Variants in CADPS observed in about 807,000 individuals in gnomAD.
CADPS encodes the protein calcium-dependent secretion activator 1.
In CADPS, 57 loss-of-function variants were observed where a neutral mutation model predicts 167.3. That is an observed-to-expected ratio of 0.34 (90% confidence interval 0.28 to 0.42). CADPS has a LOEUF of 0.42. Among genes scored for constraint, CADPS ranks in the 20% least tolerant of loss-of-function variants. CADPS has a pLI of 1.00. For missense variants in CADPS, 1,414 were observed against 1,738.1 expected, an observed-to-expected ratio of 0.81 and a Z score of 3.32; for synonymous variants, 676 against 635.3, an observed-to-expected ratio of 1.06 and a Z score of -0.96.
At chr3:62,494,814 T>G (rs59980179) in intron 18 of CADPS, among the ~76,000 whole-genome samples, 2,892 of 151,222 alleles carry the variant, frequency 0.019, 110 homozygotes, top group African/African-American at 0.066. Flanking sequence ...GCTAATTTTT[T>G]TTTGTTGTTT....
intron 6 of CADPS, among the ~76,000 whole-genome samples, chr3:62,644,773 C>T (rs1030315547): frequency 6.6e-6 from 1 of 152,238 alleles, no homozygotes. Flanking sequence ...AATATTAGTT[C>T]AAATGCCTCA....
At chr3:62,491,812 C>G (rs938701685) in intron 20 of CADPS, among the ~76,000 whole-genome samples, 2 of 151,154 alleles carry the variant, frequency 1.3e-5, no homozygotes, top group African/African-American at 4.8e-5. Context: ...CCCTTCTTCC[C>G]ATTAAGTTCC....
chr3:62,466,283 G>A (rs779564784), intron 25 of CADPS, 56 bp downstream of exon 25: 5 of 1,183,888 alleles, frequency 4.2e-6, no homozygotes, highest in African/African-American at 1.5e-5. Flanking sequence ...AATGGAAATG[G>A]AGACATAACA....
At chr3:62,415,321 G>T (rs1336860003) in intron 28 of CADPS, among the ~76,000 whole-genome samples, 1 of 152,032 alleles carries the variant, frequency 6.6e-6, no homozygotes, top group Non-Finnish European at 1.5e-5. Flanking sequence ...AAAAACATCT[G>T]CAAACTCCCA....
Position 62,421,271 on chromosome 3 carries a change from A to G in CADPS, c.3777+16833T>C, listed in dbSNP as rs895011215. On this transcript the variant is annotated intron_variant, in intron 28 of 29. Transcript: ENST00000383710. This position sits in a 1 kb window ranked among gnomAD's most constrained non-coding sequence, Gnocchi z 4.7. ...CCCCCCACCCTTTTGAGGTGACAGA[A>G]TAAGAAATTAAACACTTGTGGGTTC... Among the ~76,000 whole-genome samples the G allele has an allele frequency of 8.0e-5, 12 of 149,702 alleles. No individual in the cohort carries two copies. The highest frequency in any genetic ancestry group is 1.8e-4 in the Non-Finnish European group (12 of 67,432).
At chr3:62,683,486 A>C (rs545714821) in intron 3 of CADPS, among the ~76,000 whole-genome samples, 1 of 152,214 alleles carries the variant, frequency 6.6e-6, no homozygotes, top group South Asian at 2.1e-4. Flanking sequence ...TTAGATTTAC[A>C]GAAAAGTAGC....
intron 3 of CADPS, among the ~76,000 whole-genome samples, chr3:62,718,032 A>AT (rs76986157): frequency 0.38 from 56,878 of 150,422 alleles, 12,295 homozygotes; most frequent in East Asian, 0.73. Context: ...TCTTAGAGTA[A>AT]TTTTTTTTTT....
intron 7 of CADPS, among the ~76,000 whole-genome samples, chr3:62,587,777 C>T (rs1203402298): frequency 6.6e-6 from 1 of 152,194 alleles, no homozygotes; most frequent in Non-Finnish European, 1.5e-5. Context: ...CCCTGTGCAA[C>T]TGCTTGCTGG....
At chr3:62,733,452 C>T (rs532574935) in intron 3 of CADPS, among the ~76,000 whole-genome samples, 103 of 152,292 alleles carry the variant, frequency 6.8e-4, no homozygotes, top group African/African-American at 2.2e-3. Flanking sequence ...GAGAAATAAT[C>T]TCCATTTTAA....
Position 62,452,127 on chromosome 3 carries a change from C to T in CADPS, c.3637-6330G>A, listed in dbSNP as rs902660307. On this transcript the variant is annotated intron_variant, in intron 26 of 29. Transcript: ENST00000383710. The stretch of plus-strand genomic sequence containing the variant: ...GTTAGAGGTTTCTAGCACTTTCTTA[C>T]AGTAGGTGTTTGAGCTGTAGCACTC... Among the ~76,000 whole-genome samples, 5 of 152,166 alleles carry T rather than the reference C, an allele frequency of 3.3e-5. No individual in the cohort carries two copies. In the South Asian group the frequency reaches 8.3e-4, roughly 25 times the overall value.
At chr3:62,705,094 G>A (rs1348439563) in intron 3 of CADPS, among the ~76,000 whole-genome samples, 2 of 152,116 alleles carry the variant, frequency 1.3e-5, no homozygotes, top group Non-Finnish European at 2.9e-5. Flanking sequence ...GTAAGACAGA[G>A]GAGGGGCTCT....
chr3:62,677,064 A>G (rs1580235175), intron 3 of CADPS, among the ~76,000 whole-genome samples: 1 of 152,256 alleles, frequency 6.6e-6, no homozygotes, highest in East Asian at 1.9e-4. Context: ...CCAACACGGG[A>G]GAACAGCCAA....
At chr3:62,459,896 T>C (rs553770588) in intron 26 of CADPS, among the ~76,000 whole-genome samples, 3 of 152,348 alleles carry the variant, frequency 2.0e-5, no homozygotes, top group African/African-American at 4.8e-5. Context: ...ATTACTTCAG[T>C]ACTACGGTAA....
intron 3 of CADPS, among the ~76,000 whole-genome samples, chr3:62,709,725 C>T (rs1206749664): frequency 6.6e-6 from 1 of 152,030 alleles, no homozygotes; most frequent in Non-Finnish European, 1.5e-5. Flanking sequence ...TGAGGATGGA[C>T]ACTGAAGATG....
intron 23 of CADPS, among the ~76,000 whole-genome samples, chr3:62,477,780 T>C (rs955525539): frequency 1.3e-5 from 2 of 152,204 alleles, no homozygotes; most frequent in African/African-American, 4.8e-5. Flanking sequence ...TATGCTCATC[T>C]TTTATATACG....
intron 28 of CADPS, among the ~76,000 whole-genome samples, chr3:62,409,831 C>A (rs1046226335): frequency 1.3e-5 from 2 of 152,104 alleles, no homozygotes; most frequent in Non-Finnish European, 2.9e-5. Context: ...AATGGTAGAG[C>A]CTTTTCATGT....
chr3:62,596,841 A>G (rs751392433), intron 6 of CADPS, among the ~76,000 whole-genome samples: 1 of 152,200 alleles, frequency 6.6e-6, no homozygotes, highest in Non-Finnish European at 1.5e-5. Flanking sequence ...AATAGCTATT[A>G]TCATTGCCAT....
intron 13 of CADPS, among the ~76,000 whole-genome samples, chr3:62,523,717 C>T (rs1041337730): frequency 1.3e-5 from 2 of 152,156 alleles, no homozygotes; most frequent in Admixed American, 1.3e-4. Flanking sequence ...AGTGTCTGGT[C>T]CACTGCTCCG....
chr3:62,433,393 A>G lies in CADPS; in HGVS notation c.3777+4711T>C, dbSNP rs568913997. ...AGCAGCCCCTTCCGAAGCTGACCAC[A>G]CTGCTTGATTAAGTTCTTACGAGGT... On this transcript the variant is annotated intron_variant, in intron 28 of 29. Transcript: ENST00000383710. This position sits in a 1 kb window ranked among gnomAD's most constrained non-coding sequence, Gnocchi z 4.7. 1.9e-3 allele frequency among the ~76,000 whole-genome samples: 295 copies of G among 152,254 alleles called. 3 individuals are homozygous for G. The South Asian group carries it at 0.029, about 15-fold the overall frequency.
Sources: gnomAD v4.1 joint callset for allele counts (sites outside exome capture counted in the v4.1 genomes callset) on GRCh38, gnomAD v4.1.1 for gene constraint, Gnocchi (gnomAD v3.1) non-coding constraint, MANE v1.5 for transcripts, NCBI Gene and HGNC (gene_info 2026-07-23, HGNC 2026-07-21) for gene names.